Variants in ZCWPW2 observed in about 807,000 individuals in gnomAD.
ZCWPW2 encodes zinc finger CW-type PWWP domain protein 2.
In ZCWPW2, 45 loss-of-function variants were observed where a neutral mutation model predicts 46.6. That is an observed-to-expected ratio of 0.96 (90% CI 0.76 to 1.24). The LOEUF (loss-of-function observed/expected upper bound fraction) is 1.24, where lower values mean the gene tolerates loss of function less well. ZCWPW2 is among the 50% of genes most tolerant of loss of function. The pLI is 0.00. For missense variants in ZCWPW2, 429 were observed against 403.9 expected, an observed-to-expected ratio of 1.06 and a Z score of -0.53; for synonymous variants, 152 against 137.1, an observed-to-expected ratio of 1.11 and a Z score of -0.76.
intron 2 of ZCWPW2, 63 bp from the exon 3 acceptor site, chr3:28,412,993 G>C (rs1443972815): frequency 7.3e-7 from 1 of 1,366,110 alleles, no homozygotes; most frequent in Admixed American, 2.4e-5. Context: ...TTTTTGGTTT[G>C]AATTTTCTCT....
chr3:28,464,378 G>C lies in ZCWPW2; in HGVS notation c.493-14436G>C, dbSNP rs75306814. ...TTCCTGCCTTCATGCAACCTAAGCAGAAAGAGGCAGAATATGATAATGAGA... is the reference window on the plus strand; with the variant it reads ...TTCCTGCCTTCATGCAACCTAAGCACAAAGAGGCAGAATATGATAATGAGA... On this transcript the variant is annotated intron_variant, in intron 4 of 9. Coordinates refer to ENST00000383768, the MANE Select transcript of ZCWPW2 (RefSeq NM_001040432.4). Among the ~76,000 whole-genome samples, 11 of 152,090 alleles carry C rather than the reference G, an allele frequency of 7.2e-5. No homozygotes were observed. In the East Asian group the frequency reaches 2.1e-3, roughly 30 times the overall value.
intron 8 of ZCWPW2, 78 bp downstream of exon 8, chr3:28,515,699 GAA>G: frequency 8.3e-7 from 1 of 1,210,632 alleles, no homozygotes; most frequent in Non-Finnish European, 1.1e-6. Context: ...TCCTTTGAAG[GAA>G]AAAAAAAGAT....
intron 2 of ZCWPW2, among the ~76,000 whole-genome samples, chr3:28,404,249 T>C (rs1575097211): frequency 6.7e-6 from 1 of 149,040 alleles, no homozygotes; most frequent in East Asian, 1.9e-4. Context: ...AAAAGAGATA[T>C]ACAAATGACC....
chr3:28,486,541 C>T (rs748606969), intron 5 of ZCWPW2, among the ~76,000 whole-genome samples: 5 of 151,940 alleles, frequency 3.3e-5, no homozygotes, highest in Non-Finnish European at 5.9e-5. Flanking sequence ...ATTTCTTTTT[C>T]TTTGCCTGGG....
chr3:28,427,164 C>T (rs975186921), intron 3 of ZCWPW2, among the ~76,000 whole-genome samples: 6 of 152,178 alleles, frequency 3.9e-5, no homozygotes, highest in African/African-American at 1.4e-4. Flanking sequence ...CACTCCTCTC[C>T]CTTTCATCAT....
intron 4 of ZCWPW2, chr3:28,447,744 AC>A: frequency 1.6e-6 from 1 of 643,844 alleles, no homozygotes; most frequent in Non-Finnish European, 2.9e-6. Context: ...CATTTGACAT[AC>A]CATCGTAGGG....
intron 4 of ZCWPW2, among the ~76,000 whole-genome samples, chr3:28,457,904 A>T (rs1436345710): frequency 1.3e-5 from 2 of 152,224 alleles, no homozygotes; most frequent in African/African-American, 2.4e-5. Flanking sequence ...TACCATCTTA[A>T]TCATTTTTAA....
intron 3 of ZCWPW2, among the ~76,000 whole-genome samples, chr3:28,423,909 T>C (rs1357213668): frequency 6.6e-6 from 1 of 152,090 alleles, no homozygotes; most frequent in Non-Finnish European, 1.5e-5. Flanking sequence ...TAGTAGTTTG[T>C]GCCCATTTGC....
At chr3:28,431,123 T>A (rs1432048708) in intron 3 of ZCWPW2, among the ~76,000 whole-genome samples, 1 of 152,214 alleles carries the variant, frequency 6.6e-6, no homozygotes, top group African/African-American at 2.4e-5. Flanking sequence ...TTTTTGTGAT[T>A]TCAGATTCTT....
At chr3:28,463,032 G>C (rs1258138198) in intron 4 of ZCWPW2, among the ~76,000 whole-genome samples, 1 of 152,174 alleles carries the variant, frequency 6.6e-6, no homozygotes, top group African/African-American at 2.4e-5. Context: ...CTCAGACATA[G>C]AGCATTATCT....
At chr3:28,384,629 T>A (rs957480193) in intron 1 of ZCWPW2, among the ~76,000 whole-genome samples, 5 of 150,832 alleles carry the variant, frequency 3.3e-5, no homozygotes, top group African/African-American at 4.9e-5. Flanking sequence ...TTTTTTTTTT[T>A]TGAGACGGTG....
chr3:28,393,753 A>C (rs887103472), intron 2 of ZCWPW2, among the ~76,000 whole-genome samples: 1 of 152,124 alleles, frequency 6.6e-6, no homozygotes. Flanking sequence ...TATGATAAAA[A>C]CTCTTAACAA....
intron 4 of ZCWPW2, among the ~76,000 whole-genome samples, chr3:28,454,506 A>G (rs942336630): frequency 1.8e-4 from 28 of 152,198 alleles, no homozygotes; most frequent in African/African-American, 6.5e-4. Flanking sequence ...GTTCAGGGGT[A>G]CACGTGTAGG....
chr3:28,478,972 T>A, intron 5 of ZCWPW2, 41 bp downstream of exon 5: 2 of 1,303,996 alleles, frequency 1.5e-6, no homozygotes, highest in Non-Finnish European at 2.1e-6. Flanking sequence ...AAATAAGGAT[T>A]TATTCAAATG....
At chr3:28,473,620 G>C (rs1699120174) in intron 4 of ZCWPW2, among the ~76,000 whole-genome samples, 1 of 152,182 alleles carries the variant, frequency 6.6e-6, no homozygotes. Flanking sequence ...GCCAAGATTT[G>C]GAAGCAACCT....
intron 6 of ZCWPW2, among the ~76,000 whole-genome samples, chr3:28,496,199 C>T (rs1418590789): frequency 6.6e-6 from 1 of 151,596 alleles, no homozygotes; most frequent in African/African-American, 2.4e-5. Flanking sequence ...ACCGAGAAAC[C>T]GTGGAAGGAA....
intron 6 of ZCWPW2, among the ~76,000 whole-genome samples, chr3:28,507,339 T>A (rs1700304177): frequency 6.6e-6 from 1 of 152,224 alleles, no homozygotes; most frequent in Admixed American, 6.6e-5. Context: ...CACTTGTTGT[T>A]ATCTTTTAAT....
chr3:28,511,201 C>A, intron 6 of ZCWPW2: 1 of 352,592 alleles, frequency 2.8e-6, no homozygotes, highest in South Asian at 2.2e-5. Flanking sequence ...ATTCAACTAT[C>A]CAGATGTTAA....
At chr3:28,352,267 C>A (rs765545115) in intron 1 of ZCWPW2, among the ~76,000 whole-genome samples, 2 of 152,162 alleles carry the variant, frequency 1.3e-5, no homozygotes, top group Admixed American at 1.3e-4. Flanking sequence ...AACTGGGCAA[C>A]ATACATCCTT....
Sources: gnomAD v4.1 joint callset for allele counts (sites outside exome capture counted in the v4.1 genomes callset) on GRCh38, gnomAD v4.1.1 for gene constraint, MANE v1.5 for transcripts, NCBI Gene and HGNC (gene_info 2026-07-23, HGNC 2026-07-21) for gene names.